Variants in LMBRD1 observed in about 807,000 individuals in gnomAD.
LMBRD1 encodes the protein LMBR1 domain containing 1.
Under a neutral mutation model 74.8 loss-of-function variants are expected in LMBRD1, and 64 were observed. That is an observed-to-expected ratio of 0.86 (90% CI 0.70 to 1.05). The LOEUF (loss-of-function observed/expected upper bound fraction) is 1.05, where lower values mean the gene tolerates loss of function less well. Ranked by LOEUF, LMBRD1 falls within the 50% of genes least tolerant of loss-of-function variation. The pLI is 0.00. For synonymous variants in LMBRD1, 204 were observed against 216.3 expected (o/e 0.94, Z 0.50); for missense variants, 652 against 645.9 (o/e 1.01, Z -0.10).
At chr6:69,765,916 T>C (rs1765465953) in intron 3 of LMBRD1, among the ~76,000 whole-genome samples, 1 of 152,008 alleles carries the variant, frequency 6.6e-6, no homozygotes, top group African/African-American at 2.4e-5. Context: ...ATCTGAATTG[T>C]CTGTTTCTAG....
Position 69,687,987 on chromosome 6 carries a change from T to C in LMBRD1, c.1417+9576A>G, listed in dbSNP as rs1478067353. On this transcript the variant is annotated intron_variant, in intron 14 of 15. Transcript: ENST00000649934. ...TTAATATGGGGTAGGAAGTGTGAAG[T>C]AGATAGTCCATATTCAAACCTGCTT... 2.6e-5 allele frequency among the ~76,000 whole-genome samples: 4 copies of C among 152,246 alleles called. No individual in the cohort carries two copies. The East Asian group carries it at 7.7e-4, about 29-fold the overall frequency.
chr6:69,701,410 G>T, intron 11 of LMBRD1, 33 bp downstream of exon 11: 2 of 1,186,378 alleles, frequency 1.7e-6, no homozygotes, highest in Non-Finnish European at 2.5e-6. Context: ...TACTCTAGCA[G>T]CTACAGTATA....
At chr6:69,768,317 TTTTATAGATA>T (rs1383218092) in intron 3 of LMBRD1, among the ~76,000 whole-genome samples, 3 of 152,066 alleles carry the variant, frequency 2.0e-5, no homozygotes, top group Admixed American at 1.3e-4. Flanking sequence ...TCCTGACTTA[TTTTATAGATA>T]TTTATAGATA....
At chr6:69,796,168 G>C (rs1766222247) in intron 1 of LMBRD1, among the ~76,000 whole-genome samples, 1 of 152,150 alleles carries the variant, frequency 6.6e-6, no homozygotes, top group South Asian at 2.1e-4. Context: ...GGTCAGACAG[G>C]TAGTAGTATA....
chr6:69,688,152 A>G (rs1485059258), intron 14 of LMBRD1, among the ~76,000 whole-genome samples: 8 of 152,188 alleles, frequency 5.3e-5, no homozygotes, highest in Non-Finnish European at 7.4e-5. Flanking sequence ...GTCACTTTTT[A>G]TTTCACCCTT....
chr6:69,788,420 T>G (rs557462253), intron 2 of LMBRD1, among the ~76,000 whole-genome samples: 104 of 152,280 alleles, frequency 6.8e-4, no homozygotes, highest in Non-Finnish European at 1.3e-3. Flanking sequence ...GGAAGTATAC[T>G]ACACTGTTTT....
At chr6:69,748,469 T>G (rs1582119788) in intron 5 of LMBRD1, among the ~76,000 whole-genome samples, 1 of 152,086 alleles carries the variant, frequency 6.6e-6, no homozygotes, top group African/African-American at 2.4e-5. Flanking sequence ...AAAATATGAC[T>G]TGACTATAAA....
intron 12 of LMBRD1, among the ~76,000 whole-genome samples, chr6:69,700,363 G>T (rs1279137937): frequency 6.6e-6 from 1 of 151,656 alleles, no homozygotes; most frequent in Non-Finnish European, 1.5e-5. Context: ...TATTATATTC[G>T]AATGTGTTTC....
At chr6:69,774,948 T>TGGAAGGAAGGAAGGAAGGAAGGAAGGAA (rs1157907347) in intron 3 of LMBRD1, among the ~76,000 whole-genome samples, 7 of 38,880 alleles carry the variant, frequency 1.8e-4, no homozygotes, top group African/African-American at 2.2e-4. Context: ...TACAGTGAGA[T>TGGAAGGAAGGAAGGAAGGAAGGAAGGAA]GGAAGGAAGG....
At chr6:69,715,985 T>C (rs1326410267) in intron 8 of LMBRD1, among the ~76,000 whole-genome samples, 1 of 152,198 alleles carries the variant, frequency 6.6e-6, no homozygotes, top group Admixed American at 6.6e-5. Context: ...CCATGGTGTA[T>C]ATGTAACACA....
intron 7 of LMBRD1, among the ~76,000 whole-genome samples, chr6:69,722,669 T>C (rs1319030550): frequency 2.0e-5 from 3 of 152,010 alleles, no homozygotes; most frequent in Non-Finnish European, 2.9e-5. Flanking sequence ...TGTGGTAACC[T>C]CAAATTAAAT....
intron 3 of LMBRD1, among the ~76,000 whole-genome samples, chr6:69,760,894 AC>A (rs1258265755): frequency 6.6e-6 from 1 of 152,094 alleles, no homozygotes; most frequent in Non-Finnish European, 1.5e-5. Context: ...GCCTGTCTCA[AC>A]CCATGTGAGA....
chr6:69,773,946 C>A (rs1765630038), intron 3 of LMBRD1, among the ~76,000 whole-genome samples: 1 of 151,998 alleles, frequency 6.6e-6, no homozygotes, highest in Non-Finnish European at 1.5e-5. Flanking sequence ...AAACACAAAA[C>A]ATTATGAACT....
intron 5 of LMBRD1, 39 bp from the exon 6 acceptor site, chr6:69,741,916 A>AT (rs1431795160): frequency 2.6e-6 from 3 of 1,152,174 alleles, no homozygotes; most frequent in Non-Finnish European, 3.9e-6. Context: ...AGCTTTAAAG[A>AT]TAAAAAGTTA....
chr6:69,726,782 A>C (rs1481816041), intron 7 of LMBRD1, among the ~76,000 whole-genome samples: 2 of 152,076 alleles, frequency 1.3e-5, no homozygotes, highest in Non-Finnish European at 2.9e-5. Context: ...AGGTACAAAA[A>C]AAAAAAAAAA....
chr6:69,785,993 C>T (rs1765935728), intron 2 of LMBRD1, among the ~76,000 whole-genome samples: 1 of 152,154 alleles, frequency 6.6e-6, no homozygotes, highest in South Asian at 2.1e-4. Context: ...AGCAGTTTTG[C>T]CTTCCTATCC....
chr6:69,730,020 T>TTA (rs1046900392), intron 7 of LMBRD1, among the ~76,000 whole-genome samples: 4 of 152,092 alleles, frequency 2.6e-5, no homozygotes, highest in Non-Finnish European at 5.9e-5. Context: ...TATTACTTAC[T>TTA]ACTGCCCTCT....
intron 7 of LMBRD1, among the ~76,000 whole-genome samples, chr6:69,728,666 T>G (rs1291114347): frequency 1.3e-5 from 2 of 152,216 alleles, no homozygotes; most frequent in Non-Finnish European, 2.9e-5. Flanking sequence ...CCTTCTGAAT[T>G]ATCCTAAACT....
At chr6:69,692,042 A>G (rs1030084462) in intron 14 of LMBRD1, among the ~76,000 whole-genome samples, 1 of 152,140 alleles carries the variant, frequency 6.6e-6, no homozygotes, top group African/African-American at 2.4e-5. Flanking sequence ...TCTTTCTTAC[A>G]TTATTATTTA....
Sources: allele counts gnomAD v4.1 joint callset (sites outside exome capture counted in the v4.1 genomes callset), GRCh38; gene constraint gnomAD v4.1.1; transcripts MANE v1.5; gene names NCBI Gene and HGNC (gene_info 2026-07-23, HGNC 2026-07-21).